Variants in GPR63 observed in about 807,000 individuals in gnomAD.
GPR63 encodes the protein G protein-coupled receptor 63, also known as probable G protein-coupled receptor 63.
In GPR63, 12 loss-of-function variants were observed where a neutral mutation model predicts 23.1. That is an observed-to-expected ratio of 0.52 (90% CI 0.33 to 0.84). The LOEUF (loss-of-function observed/expected upper bound fraction) is 0.84. Ranked by LOEUF, GPR63 falls within the 40% of genes least tolerant of loss-of-function variation. The pLI is 0.02. For synonymous variants in GPR63, 172 were observed against 191.1 expected, an observed-to-expected ratio of 0.90 and a Z score of 0.82; for missense variants, 472 against 515.6, an observed-to-expected ratio of 0.92 and a Z score of 0.82.
intron 1 of GPR63, among the ~76,000 whole-genome samples, chr6:96,834,139 G>C (rs1350303423): frequency 6.6e-6 from 1 of 151,696 alleles, no homozygotes; most frequent in African/African-American, 2.4e-5. Context: ...GCAGAGGCTA[G>C]AATGCATTTT....
chr6:96,801,427 G>A (rs986571890), intron 1 of GPR63, among the ~76,000 whole-genome samples: 10 of 152,158 alleles, frequency 6.6e-5, no homozygotes, highest in Non-Finnish European at 1.3e-4. Context: ...TCGAACTCCT[G>A]ACCTCAGGTG....
chr6:96,802,531 T>A (rs7749297), intron 1 of GPR63, among the ~76,000 whole-genome samples: 38,826 of 149,272 alleles, frequency 0.26, 5,154 homozygotes, highest in South Asian at 0.31. Context: ...AGATAAAAAA[T>A]TTTTTCTAAT....
At chr6:96,811,011 C>G (rs1264422975) in intron 1 of GPR63, among the ~76,000 whole-genome samples, 1 of 152,116 alleles carries the variant, frequency 6.6e-6, no homozygotes, top group Non-Finnish European at 1.5e-5. Flanking sequence ...TAACAATAAC[C>G]ATGTATGCCA....
At chr6:96,806,592 G>A (rs776058742) in intron 1 of GPR63, among the ~76,000 whole-genome samples, 23 of 152,290 alleles carry the variant, frequency 1.5e-4, no homozygotes, top group Non-Finnish European at 2.6e-4. Flanking sequence ...GGTCAGACCA[G>A]ATCTTTAGAA....
Position 96,799,545 on chromosome 6 carries a change from T to C in GPR63, c.187A>G (p.Ser63Gly), listed in dbSNP as rs750107923. 1.9e-6 allele frequency: 3 copies of C among 1,614,070 alleles called. No individual in the cohort carries two copies. The highest frequency in any genetic ancestry group is 2.2e-5 in the East Asian group (1 of 44,886). Residue 63 changes from serine (S) to glycine (G), a missense_variant, in exon 2 of 2, where the codon AGT (serine) becomes GGT (glycine). Physicochemically the swap from Ser to Gly is moderately conservative, Grantham distance 56. Transcript: ENST00000229955. ...PTGLSSLTVN[S>G]TAVPTTPAAF... Reference sequence around the variant, plus strand: ...GCTGGTGTTGTGGGCACAGCTGTACTATTCACGGTCAAGGAACTCAAACCA... The same window carrying C: ...GCTGGTGTTGTGGGCACAGCTGTACCATTCACGGTCAAGGAACTCAAACCA...
intron 1 of GPR63, among the ~76,000 whole-genome samples, chr6:96,804,959 T>C (rs571517375): frequency 3.3e-5 from 5 of 152,338 alleles, no homozygotes; most frequent in African/African-American, 4.8e-5. Context: ...ATAACTTACA[T>C]ATTTATTCTC....
chr6:96,822,464 T>A (rs1179507069), intron 1 of GPR63, among the ~76,000 whole-genome samples: 1 of 152,134 alleles, frequency 6.6e-6, no homozygotes, highest in Admixed American at 6.6e-5. Flanking sequence ...GGCCACCAGA[T>A]AAAGACAAAA....
Position 96,798,528 on chromosome 6 carries a change from G to T in GPR63, c.1204C>A (p.Arg402=). The T allele has an allele frequency of 1.2e-6, 2 of 1,614,174 alleles. No individual in the cohort carries two copies. The highest frequency in any genetic ancestry group is 1.7e-6 in the Non-Finnish European group (2 of 1,180,036). ...FLPQLPGHTK[R]RIRPSAVYVC... ...TAGACAGCACTAGGACGTATCCGTC[G>T]CTTTGTGTGACCAGGGAGCTGCGGC... Residue 402 remains arginine (R), a synonymous_variant, in exon 2 of 2, where the codon CGA becomes AGA. Coordinates refer to ENST00000229955, the MANE Select transcript of GPR63 (RefSeq NM_030784.4).
chr6:96,819,290 CTAGA>C (rs751380135), intron 1 of GPR63, among the ~76,000 whole-genome samples: 1 of 152,068 alleles, frequency 6.6e-6, no homozygotes, highest in Non-Finnish European at 1.5e-5. Context: ...CAATGATAGA[CTAGA>C]TAAAGAAAAT....
chr6:96,833,572 T>C (rs1240830445), intron 1 of GPR63, among the ~76,000 whole-genome samples: 1 of 152,208 alleles, frequency 6.6e-6, no homozygotes, highest in African/African-American at 2.4e-5. Context: ...GGAAGATCCT[T>C]AGAAGTTTCC....
intron 1 of GPR63, among the ~76,000 whole-genome samples, chr6:96,812,902 A>G (rs547018276): frequency 2.0e-4 from 30 of 152,216 alleles, no homozygotes; most frequent in Admixed American, 1.8e-3. Flanking sequence ...ATTGTTGCTA[A>G]CTATAGTCAT....
rs1367159722 is a variant in GPR63, at chr6:96,810,350, G to C, written c.-150-10469C>G. 3.3e-5 allele frequency among the ~76,000 whole-genome samples: 5 copies of C among 152,012 alleles called. No individual in the cohort carries two copies. The East Asian group carries it at 7.7e-4, about 23-fold the overall frequency. ...GTCTCTATTAAAAATACAAAAATTA[G>C]CTGGGTGTGGTGGCGTGTGCCTCTA... On this transcript the variant is annotated intron_variant, in intron 1 of 1. Coordinates refer to ENST00000229955, the MANE Select transcript of GPR63 (RefSeq NM_030784.4).
chr6:96,829,596 G>A (rs1446210507), intron 1 of GPR63, among the ~76,000 whole-genome samples: 1 of 152,048 alleles, frequency 6.6e-6, no homozygotes. Context: ...GTTATTCAGG[G>A]GGCTGAGGTG....
Position 96,796,678 on chromosome 6 carries a change from C to T in GPR63, c.*1794G>A, listed in dbSNP as rs934609375. ...ACACACATCTGAGCACGTTCACAAA[C>T]TCCAGCTCTGCTAGGGCAAGCATTG... On this transcript the variant is annotated 3_prime_UTR_variant, in exon 2 of 2. Coordinates refer to ENST00000229955, the MANE Select transcript of GPR63 (RefSeq NM_030784.4). 6.6e-6 allele frequency: 1 copy of T among 152,234 alleles called. No individual in the cohort carries two copies. Among genetic ancestry groups the T allele is most frequent in the African/African-American group, 2.4e-5 (1 of 41,456 alleles). The allele number at this position is 152,234 out of a possible 1,614,324, so 9.4% of individuals were successfully genotyped here. A position where few individuals can be genotyped will look rare whatever the true frequency, so the allele number is the denominator to read the frequency against.
intron 1 of GPR63, among the ~76,000 whole-genome samples, chr6:96,828,447 G>C (rs944662766): frequency 6.6e-6 from 1 of 151,480 alleles, no homozygotes; most frequent in African/African-American, 2.4e-5. Context: ...CGTAATAGAA[G>C]GCAAAGATAT....
intron 1 of GPR63, among the ~76,000 whole-genome samples, chr6:96,821,713 G>T (rs1774317691): frequency 1.3e-5 from 2 of 152,086 alleles, no homozygotes; most frequent in Admixed American, 1.3e-4. Context: ...CAACAAATAG[G>T]TCTCAGGCAA....
At chr6:96,807,254 C>T (rs1202753092) in intron 1 of GPR63, among the ~76,000 whole-genome samples, 4 of 152,228 alleles carry the variant, frequency 2.6e-5, no homozygotes, top group African/African-American at 7.2e-5. Flanking sequence ...TCATGAACAA[C>T]ATAGCCATGG....
intron 1 of GPR63, among the ~76,000 whole-genome samples, chr6:96,829,502 G>C (rs1207969622): frequency 2.6e-5 from 4 of 152,070 alleles, no homozygotes; most frequent in Non-Finnish European, 4.4e-5. Flanking sequence ...AGACCAGCCT[G>C]GACAACACAG....
At chr6:96,806,642 A>T (rs996602267) in intron 1 of GPR63, among the ~76,000 whole-genome samples, 1 of 152,070 alleles carries the variant, frequency 6.6e-6, no homozygotes, top group East Asian at 1.9e-4. Context: ...CTCCACATAA[A>T]CTTGGTGTTG....
Sources: allele counts gnomAD v4.1 joint callset (sites outside exome capture counted in the v4.1 genomes callset), GRCh38; gene constraint gnomAD v4.1.1; transcripts MANE v1.5; gene names NCBI Gene and HGNC (gene_info 2026-07-23, HGNC 2026-07-21).